Variants in PRLR observed in about 807,000 individuals in gnomAD.
PRLR encodes the protein prolactin receptor, also known as hPRL receptor.
Under a neutral mutation model 40.2 loss-of-function variants are expected in PRLR, and 13 were observed. The ratio of observed to expected loss-of-function variants is 0.32; its 90% CI spans 0.21 to 0.51. The LOEUF (loss-of-function observed/expected upper bound fraction) is 0.51, where lower values mean the gene tolerates loss of function less well. PRLR is among the 20% of genes least tolerant of loss of function. The pLI, the probability that PRLR is intolerant of heterozygous loss-of-function variation, is 0.97. For missense variants in PRLR, 656 were observed against 747.3 expected, an observed-to-expected ratio of 0.88 and a Z score of 1.42; for synonymous variants, 269 against 278.7, an observed-to-expected ratio of 0.97 and a Z score of 0.35.
intron 1 of PRLR, among the ~76,000 whole-genome samples, chr5:35,219,112 G>A (rs570461914): frequency 1.3e-5 from 2 of 152,276 alleles, no homozygotes; most frequent in East Asian, 3.9e-4. Flanking sequence ...GGATCATTCA[G>A]CCTCTAGATT....
intron 1 of PRLR, among the ~76,000 whole-genome samples, chr5:35,163,791 C>G (rs1341592666): frequency 6.6e-6 from 1 of 152,222 alleles, no homozygotes; most frequent in African/African-American, 2.4e-5. Context: ...TCAACTTTCT[C>G]TGGCCCTAGC....
intron 1 of PRLR, among the ~76,000 whole-genome samples, chr5:35,215,426 C>T (rs1047052714): frequency 6.6e-6 from 1 of 152,178 alleles, no homozygotes; most frequent in African/African-American, 2.4e-5. Context: ...AAATCATGAA[C>T]TCTTGGTGAG....
rs1041109796 is a variant in PRLR at position 35,060,350 on chromosome 5, T to G, written c.*4739A>C. ...CAGGAAGGAAAAGGAGAAGCAAGGA[T>G]GTTAAATCAATCTGAGTTGGAGGAA... On this transcript the variant is annotated 3_prime_UTR_variant, in exon 10 of 10. Coordinates refer to ENST00000618457, the MANE Select transcript of PRLR (RefSeq NM_000949.7). 6.6e-6 allele frequency: 1 copy of G among 152,196 alleles called. No individual in the cohort carries two copies. The highest frequency in any genetic ancestry group is 2.4e-5 in the African/African-American group (1 of 41,442). The allele number at this position is 152,196 out of a possible 1,614,324, so 9.4% of individuals were successfully genotyped here.
chr5:35,072,206 GGTATTTTAAA>G (rs1769791353), intron 6 of PRLR, among the ~76,000 whole-genome samples: 1 of 151,958 alleles, frequency 6.6e-6, no homozygotes, highest in Admixed American at 6.6e-5. Context: ...GCCTGGTTGA[GGTATTTTAAA>G]GTAAATAAAA....
At chr5:35,223,151 A>G (rs920113254) in intron 1 of PRLR, among the ~76,000 whole-genome samples, 2 of 152,282 alleles carry the variant, frequency 1.3e-5, no homozygotes, top group African/African-American at 2.4e-5. Flanking sequence ...ATGTGCATGT[A>G]TATACAGTTT....
At chr5:35,073,407 A>G (rs1769872797) in intron 5 of PRLR, among the ~76,000 whole-genome samples, 1 of 152,228 alleles carries the variant, frequency 6.6e-6, no homozygotes, top group African/African-American at 2.4e-5. Context: ...GCGAATTCCC[A>G]TTAGCAAAAT....
chr5:35,165,599 A>G (rs1262826322), intron 1 of PRLR, among the ~76,000 whole-genome samples: 1 of 152,242 alleles, frequency 6.6e-6, no homozygotes, highest in Non-Finnish European at 1.5e-5. Context: ...TCATAAACAA[A>G]TAATGCCTGG....
chr5:35,111,963 A>C (rs1772688330), intron 2 of PRLR, among the ~76,000 whole-genome samples: 2 of 152,230 alleles, frequency 1.3e-5, no homozygotes, highest in Non-Finnish European at 2.9e-5. Flanking sequence ...TTAACACCAC[A>C]AAACAACTCC....
rs766428049 is a variant in PRLR at position 35,065,649 on chromosome 5, A to G, written c.1309T>C (p.Cys437Arg). Residue 437 changes from cysteine to arginine, a missense_variant, in exon 10 of 10, where the codon TGT (cysteine) becomes CGT (arginine). By Grantham distance (180) the Cys-to-Arg change is radical. This residue lies in a region of PRLR where 469 missense variants were observed against 491.5 expected (regional missense o/e 0.95). Transcript: ENST00000618457. ...RSSYHNITDVCELAVGPAGAP... is the reference protein window; with the variant it reads ...RSSYHNITDVRELAVGPAGAP... ...CCTGCAGGGCCCACAGCCAGCTCACACACATCAGTAATATTGTGGTAAGAG... is the reference window on the plus strand; with the variant it reads ...CCTGCAGGGCCCACAGCCAGCTCACGCACATCAGTAATATTGTGGTAAGAG... 2 of 1,614,130 alleles carry G rather than the reference A, an allele frequency of 1.2e-6. No homozygotes were observed. The highest frequency in any genetic ancestry group is 2.2e-5 in the South Asian group (2 of 91,068).
chr5:35,197,001 C>A (rs1002775544), intron 1 of PRLR, among the ~76,000 whole-genome samples: 2 of 152,130 alleles, frequency 1.3e-5, no homozygotes, highest in African/African-American at 4.8e-5. Context: ...ATTCATGAAG[C>A]CTCCCAAAGG....
At chr5:35,163,005 C>A (rs114312833) in intron 1 of PRLR, among the ~76,000 whole-genome samples, 1 of 152,058 alleles carries the variant, frequency 6.6e-6, no homozygotes, top group East Asian at 1.9e-4. Context: ...GGTGGGAAGG[C>A]GGTTCCCAGA....
At chr5:35,219,227 G>A (rs960347438) in intron 1 of PRLR, among the ~76,000 whole-genome samples, 1 of 152,190 alleles carries the variant, frequency 6.6e-6, no homozygotes, top group African/African-American at 2.4e-5. Context: ...ACTTCTGAAG[G>A]TGGCAGCTTC....
chr5:35,208,046 G>A (rs572279256), intron 1 of PRLR, among the ~76,000 whole-genome samples: 2 of 152,082 alleles, frequency 1.3e-5, no homozygotes, highest in South Asian at 4.2e-4. Flanking sequence ...CCAGTGAAAA[G>A]GGATGAGTTA....
Position 35,123,305 on chromosome 5 carries a change from T to C in PRLR, c.-105-5183A>G, listed in dbSNP as rs1301589737. Among the ~76,000 whole-genome samples the C allele has an allele frequency of 2.0e-5, 3 of 152,224 alleles. No homozygotes were observed. The East Asian group carries it at 5.8e-4, about 29-fold the overall frequency. On this transcript the variant is annotated intron_variant, in intron 1 of 9. Coordinates refer to ENST00000618457, the MANE Select transcript of PRLR (RefSeq NM_000949.7). ...CATTTATTGGCTGCCAGACATTGTT[T>C]CTAAACACTTTAATGCTTTATTTCA...
In PRLR at chr5:35,150,767, T is replaced by C. The variant is rs115613301; in HGVS notation, c.-105-32645A>G. Among the ~76,000 whole-genome samples, 303 of 152,330 alleles carry C rather than the reference T, an allele frequency of 2.0e-3. 2 individuals are homozygous for C. The highest frequency in any genetic ancestry group is 5.8e-3 in the African/African-American group (242 of 41,564). On this transcript the variant is annotated intron_variant, in intron 1 of 9. Coordinates refer to ENST00000618457, the MANE Select transcript of PRLR (RefSeq NM_000949.7). ...GAGGTAAGAATAGGAAAAAAAAATC[T>C]TATTTCACATGCCTTAGAGGAGACA...
chr5:35,188,477 C>T (rs1230407031), intron 1 of PRLR, among the ~76,000 whole-genome samples: 3 of 152,162 alleles, frequency 2.0e-5, no homozygotes, highest in Admixed American at 1.3e-4. Flanking sequence ...GAGAAGTTTG[C>T]TTTTGTGAGC....
chr5:35,200,887 C>T (rs776427941), intron 1 of PRLR, among the ~76,000 whole-genome samples: 24 of 152,288 alleles, frequency 1.6e-4, no homozygotes, highest in Non-Finnish European at 3.1e-4. Context: ...GGTTAGAATT[C>T]AAACCCAGAT....
At chr5:35,220,613 A>G (rs1776390676) in intron 1 of PRLR, among the ~76,000 whole-genome samples, 2 of 152,174 alleles carry the variant, frequency 1.3e-5, no homozygotes, top group African/African-American at 4.8e-5. Flanking sequence ...ACTACACTAG[A>G]GTAGGAACTT....
At chr5:35,108,764 C>A (rs1772442541) in intron 2 of PRLR, among the ~76,000 whole-genome samples, 1 of 152,170 alleles carries the variant, frequency 6.6e-6, no homozygotes, top group Non-Finnish European at 1.5e-5. Flanking sequence ...TAGGAATAAT[C>A]AACATCATAA....
Sources: gnomAD v4.1 joint callset for allele counts (sites outside exome capture counted in the v4.1 genomes callset) on GRCh38, gnomAD v4.1.1 for gene constraint, gnomAD v4.1.1 regional missense constraint, MANE v1.5 for transcripts, NCBI Gene and HGNC (gene_info 2026-07-23, HGNC 2026-07-21) for gene names.